MCU: variants seen among roughly 807,000 people sequenced by gnomAD.
The protein encoded by MCU is calcium uniporter protein, mitochondrial.
Under a neutral mutation model 45.2 loss-of-function variants are expected in MCU, and 12 were observed. The ratio of observed to expected loss-of-function variants is 0.27; its 90% CI spans 0.17 to 0.43. The LOEUF (loss-of-function observed/expected upper bound fraction) is 0.43. MCU is among the 20% of genes least tolerant of loss of function. The pLI is 1.00. For synonymous variants in MCU, 160 were observed against 165.1 expected (o/e 0.97, Z 0.24); for missense variants, 324 against 436.7 (o/e 0.74, Z 2.30).
intron 1 of MCU, among the ~76,000 whole-genome samples, chr10:72,805,489 C>T (rs375085858): frequency 6.6e-6 from 1 of 151,712 alleles, no homozygotes; most frequent in Non-Finnish European, 1.5e-5. Context: ...TCAGGCAATC[C>T]GCCCACCTCA....
intron 1 of MCU, among the ~76,000 whole-genome samples, chr10:72,746,115 A>G (rs1234316898): frequency 1.3e-5 from 2 of 152,136 alleles, no homozygotes; most frequent in South Asian, 2.1e-4. Context: ...TTATTCACTC[A>G]ACAAATATTT....
intron 1 of MCU, among the ~76,000 whole-genome samples, chr10:72,723,195 T>TA (rs1382456514): frequency 2.0e-5 from 3 of 151,706 alleles, no homozygotes; most frequent in South Asian, 2.1e-4. Context: ...GATTCTGTCT[T>TA]AAAAAAAAGA....
intron 6 of MCU, among the ~76,000 whole-genome samples, chr10:72,883,452 G>A (rs1197200252): frequency 6.6e-6 from 1 of 152,110 alleles, no homozygotes; most frequent in Non-Finnish European, 1.5e-5. Context: ...TTTTAAACTG[G>A]CAATATCAAG....
intron 1 of MCU, among the ~76,000 whole-genome samples, chr10:72,832,131 A>C (rs1031365364): frequency 7.2e-5 from 11 of 152,136 alleles, no homozygotes; most frequent in African/African-American, 2.7e-4. Flanking sequence ...CAACGGCACG[A>C]TCATAGATCA....
intron 1 of MCU, among the ~76,000 whole-genome samples, chr10:72,811,803 T>C (rs1844547477): frequency 6.6e-6 from 1 of 152,224 alleles, no homozygotes; most frequent in Non-Finnish European, 1.5e-5. Context: ...TTTCTCAAGA[T>C]AACATGTTTT....
At chr10:72,819,302 A>C (rs1241588343) in intron 1 of MCU, among the ~76,000 whole-genome samples, 1 of 152,246 alleles carries the variant, frequency 6.6e-6, no homozygotes, top group Non-Finnish European at 1.5e-5. Flanking sequence ...TAGAAGAGAA[A>C]GAAGAGGGGC....
At chr10:72,848,201 G>A (rs1480552694) in intron 2 of MCU, among the ~76,000 whole-genome samples, 2 of 152,156 alleles carry the variant, frequency 1.3e-5, no homozygotes, top group East Asian at 3.8e-4. Flanking sequence ...GTGGGTTTAT[G>A]CAGAGGTAAT....
chr10:72,808,216 G>T lies in MCU; in HGVS notation c.151-26143G>T, dbSNP rs149955302. 1.2e-4 allele frequency among the ~76,000 whole-genome samples: 18 copies of T among 152,192 alleles called. No homozygotes were observed. The South Asian group carries it at 2.9e-3, about 25-fold the overall frequency. The stretch of plus-strand genomic sequence containing the variant: ...CTTTGAAACTCAGCCAGTTTCTCTT[G>T]TCTTTGGCTTCTGATGCAGATCTCA... On this transcript the variant is annotated intron_variant, in intron 1 of 7. Transcript: ENST00000373053.
intron 1 of MCU, among the ~76,000 whole-genome samples, chr10:72,818,019 C>A (rs1262192036): frequency 6.6e-6 from 1 of 152,142 alleles, no homozygotes; most frequent in Admixed American, 6.5e-5. Flanking sequence ...TGGAAAATAG[C>A]TGCTTGAAAA....
intron 1 of MCU, among the ~76,000 whole-genome samples, chr10:72,754,436 A>G (rs1284105140): frequency 6.6e-6 from 1 of 152,162 alleles, no homozygotes; most frequent in Non-Finnish European, 1.5e-5. Flanking sequence ...ATTATGTATC[A>G]TGCAGGTTGG....
At chr10:72,833,202 G>T (rs915405320) in intron 1 of MCU, among the ~76,000 whole-genome samples, 4 of 152,138 alleles carry the variant, frequency 2.6e-5, no homozygotes, top group Non-Finnish European at 5.9e-5. Context: ...GAAAGGAAAA[G>T]ATGTATTATT....
At chr10:72,781,317 G>A (rs1398193055) in intron 1 of MCU, among the ~76,000 whole-genome samples, 1 of 152,170 alleles carries the variant, frequency 6.6e-6, no homozygotes, top group Admixed American at 6.5e-5. Flanking sequence ...TGGGCTGCAT[G>A]CTTTCAGAAT....
chr10:72,733,019 TAG>T (rs1358710861), intron 1 of MCU, among the ~76,000 whole-genome samples: 1 of 152,180 alleles, frequency 6.6e-6, no homozygotes, highest in African/African-American at 2.4e-5. Context: ...GAAAGAAATG[TAG>T]AGAGGGTTGG....
At chr10:72,834,571 G>A in intron 2 of MCU, 143 bp downstream of exon 2, 2 of 574,890 alleles carry the variant, frequency 3.5e-6, no homozygotes, top group Non-Finnish European at 3.0e-6. Flanking sequence ...AGGAGGAGAA[G>A]GAAAATAAAA....
chr10:72,741,692 A>C (rs1242450357), intron 1 of MCU, among the ~76,000 whole-genome samples: 1 of 152,156 alleles, frequency 6.6e-6, no homozygotes, highest in Non-Finnish European at 1.5e-5. Context: ...CTTCTGTCTG[A>C]TTAGTCTTCT....
At chr10:72,803,993 CTCTT>C (rs1844380888) in intron 1 of MCU, among the ~76,000 whole-genome samples, 1 of 114,754 alleles carries the variant, frequency 8.7e-6, no homozygotes, top group Non-Finnish European at 1.7e-5. Flanking sequence ...TAGGATCCTT[CTCTT>C]TGTTTTTGGA....
chr10:72,782,415 G>T (rs529926948), intron 1 of MCU, among the ~76,000 whole-genome samples: 1 of 152,212 alleles, frequency 6.6e-6, no homozygotes, highest in South Asian at 2.1e-4. Flanking sequence ...TTGTCACCTG[G>T]GCTGGGGTGC....
At chr10:72,803,230 A>G (rs1419829973) in intron 1 of MCU, among the ~76,000 whole-genome samples, 2 of 151,732 alleles carry the variant, frequency 1.3e-5, no homozygotes, top group Non-Finnish European at 1.5e-5. Flanking sequence ...TTTTTTTTTA[A>G]GAAATGATTT....
At chr10:72,723,346 A>G (rs561323374) in intron 1 of MCU, among the ~76,000 whole-genome samples, 5 of 152,296 alleles carry the variant, frequency 3.3e-5, no homozygotes, top group Non-Finnish European at 5.9e-5. Flanking sequence ...TTTTTCTAAC[A>G]TATTCAGAAT....
Sources: gnomAD v4.1 joint callset for allele counts (sites outside exome capture counted in the v4.1 genomes callset) on GRCh38, gnomAD v4.1.1 for gene constraint, MANE v1.5 for transcripts, NCBI Gene and HGNC (gene_info 2026-07-23, HGNC 2026-07-21) for gene names.